LRP1B: variants seen among roughly 807,000 people sequenced by gnomAD.
The protein encoded by LRP1B is low-density lipoprotein receptor-related protein 1B.
LRP1B carries 217 observed loss-of-function variants against 556.6 expected under a neutral mutation model. The observed-to-expected ratio is 0.39, with a 90% CI of 0.35 to 0.44. LRP1B has a LOEUF of 0.44. Ranked by LOEUF, LRP1B falls within the 20% of genes least tolerant of loss-of-function variation. LRP1B has a pLI of 1.00. For missense variants in LRP1B, 5,053 were observed against 5,620.8 expected (o/e 0.90, Z 3.23); for synonymous variants, 2,047 against 1,865.8 (o/e 1.10, Z -2.50).
Position 141,536,375 on chromosome 2 carries a change from A to G in LRP1B, c.206-55842T>C, listed in dbSNP as rs192917016. Among the ~76,000 whole-genome samples, 4 of 152,050 alleles carry G rather than the reference A, an allele frequency of 2.6e-5. No individual in the cohort carries two copies. In the East Asian group the frequency reaches 7.7e-4, roughly 29 times the overall value. Reference sequence around the variant, plus strand: ...GTAGTTTTTAACTTGTTGTTATTAAATTGACCCTCCTTTCTCTCTAGAGAA... The same window carrying G: ...GTAGTTTTTAACTTGTTGTTATTAAGTTGACCCTCCTTTCTCTCTAGAGAA... On this transcript the variant is annotated intron_variant, in intron 2 of 90. Transcript: ENST00000389484.
chr2:140,815,311 CT>C (rs67346994), intron 31 of LRP1B, among the ~76,000 whole-genome samples: 17,386 of 151,130 alleles, frequency 0.12, 1,367 homozygotes, highest in Non-Finnish European at 0.16. Flanking sequence ...ATTAGACCCT[CT>C]TTTTTTTTCC....
chr2:141,608,619 A>T (rs1688001010), intron 2 of LRP1B, among the ~76,000 whole-genome samples: 1 of 152,196 alleles, frequency 6.6e-6, no homozygotes, highest in Non-Finnish European at 1.5e-5. Flanking sequence ...CTTTTTTTTA[A>T]TTGTTACTCA....
At chr2:142,088,191 A>G (rs1260249970) in intron 1 of LRP1B, among the ~76,000 whole-genome samples, 1 of 152,180 alleles carries the variant, frequency 6.6e-6, no homozygotes, top group Non-Finnish European at 1.5e-5. Flanking sequence ...AATTTTGCAT[A>G]AAGGATATCA....
At chr2:141,423,837 C>A (rs1425050672) in intron 3 of LRP1B, among the ~76,000 whole-genome samples, 1 of 146,664 alleles carries the variant, frequency 6.8e-6, no homozygotes, top group African/African-American at 2.5e-5. Context: ...AAAAAAAAAA[C>A]CCTACATTTA....
chr2:141,442,541 T>A (rs1366157869), intron 3 of LRP1B, among the ~76,000 whole-genome samples: 2 of 151,902 alleles, frequency 1.3e-5, no homozygotes, highest in African/African-American at 4.8e-5. Context: ...CAACCCATCA[T>A]CTACATTAGG....
At chr2:140,298,477 TAATTA>T (rs954231342) in intron 83 of LRP1B, among the ~76,000 whole-genome samples, 6 of 152,200 alleles carry the variant, frequency 3.9e-5, no homozygotes, top group Non-Finnish European at 5.9e-5. Context: ...TAATTTATAA[TAATTA>T]AATTTAGTAA....
At chr2:141,802,281 C>G (rs1696032318) in intron 2 of LRP1B, among the ~76,000 whole-genome samples, 1 of 152,074 alleles carries the variant, frequency 6.6e-6, no homozygotes. Flanking sequence ...TATGAGCATA[C>G]TCTTTCCCTC....
chr2:141,168,362 T>C (rs1396478843), intron 7 of LRP1B, among the ~76,000 whole-genome samples: 1 of 152,098 alleles, frequency 6.6e-6, no homozygotes, highest in East Asian at 1.9e-4. Flanking sequence ...AACTAGGTTT[T>C]GGGAGAAAAT....
At chr2:142,061,237 C>G (rs1036493590) in intron 1 of LRP1B, among the ~76,000 whole-genome samples, 1 of 151,642 alleles carries the variant, frequency 6.6e-6, no homozygotes, top group Non-Finnish European at 1.5e-5. Flanking sequence ...AAACGGATAA[C>G]AAAAATATCT....
chr2:141,924,748 T>G (rs1051511316), intron 1 of LRP1B, among the ~76,000 whole-genome samples: 12 of 152,142 alleles, frequency 7.9e-5, no homozygotes, highest in African/African-American at 2.9e-4. Flanking sequence ...ATCAGGGAAC[T>G]CTCCCATTTC....
At chr2:141,254,712 C>A in intron 3 of LRP1B, 71 bp from the exon 4 acceptor site, 1 of 1,213,854 alleles carries the variant, frequency 8.2e-7, no homozygotes, top group Non-Finnish European at 1.2e-6. Flanking sequence ...TCTCAGTGTA[C>A]AATCCTTACA....
chr2:141,835,549 G>A (rs1267799835), intron 1 of LRP1B, among the ~76,000 whole-genome samples: 1 of 151,722 alleles, frequency 6.6e-6, no homozygotes, highest in African/African-American at 2.4e-5. Context: ...AAATTGCCTA[G>A]AAAGCAAGAA....
At chr2:141,140,691 T>C (rs973522004) in intron 7 of LRP1B, among the ~76,000 whole-genome samples, 3 of 152,162 alleles carry the variant, frequency 2.0e-5, no homozygotes, top group Non-Finnish European at 4.4e-5. Context: ...ACCTTGACCT[T>C]GGACTTCCAC....
chr2:141,209,534 A>G (rs1682452130), intron 6 of LRP1B, among the ~76,000 whole-genome samples: 1 of 152,202 alleles, frequency 6.6e-6, no homozygotes, highest in Non-Finnish European at 1.5e-5. Context: ...AACAATGTTT[A>G]ATAGGTATTT....
chr2:140,497,475 TTTATA>T (rs1411438054), intron 55 of LRP1B, among the ~76,000 whole-genome samples: 28 of 151,810 alleles, frequency 1.8e-4, no homozygotes, highest in East Asian at 9.6e-4. Context: ...AATGATGAAT[TTTATA>T]TTATATCTTT....
chr2:140,278,568 CA>C (rs1252949928), intron 84 of LRP1B, among the ~76,000 whole-genome samples: 1 of 151,822 alleles, frequency 6.6e-6, no homozygotes, highest in Non-Finnish European at 1.5e-5. Context: ...CATAGCATGT[CA>C]GATGCGCATT....
At chr2:141,630,035 C>G (rs997379229) in intron 2 of LRP1B, among the ~76,000 whole-genome samples, 3 of 152,160 alleles carry the variant, frequency 2.0e-5, no homozygotes, top group Admixed American at 2.0e-4. Context: ...GTTCTAACTT[C>G]ATCCAAGGTC....
At chr2:141,184,762 G>T (rs1200852809) in intron 7 of LRP1B, among the ~76,000 whole-genome samples, 2 of 150,292 alleles carry the variant, frequency 1.3e-5, no homozygotes, top group African/African-American at 4.9e-5. Context: ...TAAGAAAAAA[G>T]GTTCCCCTCC....
chr2:140,872,414 C>A (rs1372847106), intron 25 of LRP1B, among the ~76,000 whole-genome samples: 4 of 125,746 alleles, frequency 3.2e-5, no homozygotes, highest in African/African-American at 1.2e-4. Flanking sequence ...GCAACAGAGG[C>A]TACTCTTGGT....
Sources: allele counts gnomAD v4.1 joint callset (sites outside exome capture counted in the v4.1 genomes callset), GRCh38; gene constraint gnomAD v4.1.1; transcripts MANE v1.5; gene names NCBI Gene and HGNC (gene_info 2026-07-23, HGNC 2026-07-21).